Variants in FMN1 observed in about 807,000 individuals in gnomAD.
The protein encoded by FMN1 is formin-1.
Under a neutral mutation model 132.4 loss-of-function variants are expected in FMN1, and 110 were observed. The observed-to-expected ratio is 0.83, with a 90% CI of 0.71 to 0.97. FMN1 has a LOEUF of 0.97. Ranked by LOEUF, FMN1 falls within the 50% of genes least tolerant of loss-of-function variation. The probability of loss-of-function intolerance (pLI) is 0.00; values close to 1 mark genes in which losing one functional copy is unlikely to be tolerated. For synonymous variants in FMN1, 722 were observed against 651.7 expected (o/e 1.11, Z -1.64); for missense variants, 1,792 against 1,705.3 (o/e 1.05, Z -0.90).
chr15:32,867,509 G>GTTT (rs35209952), intron 16 of FMN1, among the ~76,000 whole-genome samples: 2 of 147,424 alleles, frequency 1.4e-5, no homozygotes, highest in African/African-American at 5.0e-5. Context: ...GTCTCATCAG[G>GTTT]TTTTTTTTTT....
At chr15:32,805,193 C>T (rs897173292) in intron 17 of FMN1, among the ~76,000 whole-genome samples, 32 of 152,156 alleles carry the variant, frequency 2.1e-4, no homozygotes, top group African/African-American at 7.5e-4. Context: ...TTTTAGTGAT[C>T]GCCATTCTAA....
chr15:32,792,392 C>T (rs1040726720), intron 19 of FMN1, among the ~76,000 whole-genome samples: 1 of 151,766 alleles, frequency 6.6e-6, no homozygotes, highest in Non-Finnish European at 1.5e-5. Flanking sequence ...TTGTAGTGAG[C>T]CGAAATCGCG....
chr15:33,072,319 TG>T (rs1160539756), intron 5 of FMN1, among the ~76,000 whole-genome samples: 6 of 152,184 alleles, frequency 3.9e-5, no homozygotes, highest in African/African-American at 1.4e-4. Flanking sequence ...CAACTTTTCC[TG>T]TAAGTGGATT....
intron 9 of FMN1, among the ~76,000 whole-genome samples, chr15:32,963,202 A>C (rs1233290922): frequency 6.6e-6 from 1 of 151,668 alleles, no homozygotes; most frequent in African/African-American, 2.4e-5. Context: ...AGGGACATGG[A>C]TGAAATTGGA....
intron 9 of FMN1, among the ~76,000 whole-genome samples, chr15:32,928,826 A>G (rs1470804280): frequency 3.3e-5 from 5 of 152,196 alleles, no homozygotes; most frequent in Admixed American, 6.5e-5. Context: ...TCTGAAAACT[A>G]CCAGTAATAC....
chr15:32,856,993 TG>T, intron 17 of FMN1, 21 bp downstream of exon 17: 1 of 1,544,862 alleles, frequency 6.5e-7, no homozygotes, highest in Non-Finnish European at 9.0e-7. Context: ...CACGTGTATG[TG>T]CGGCTGACAA....
Position 32,910,554 on chromosome 15 carries a change from G to A in FMN1, c.3227-19C>T. On this transcript the variant is annotated intron_variant, in intron 10 of 20. Transcript: ENST00000616417. ...AAAATGGCTGCCAAGCACCCAAAAA[G>A]AAAAGAGGATAAGGGATTTGATTAG... 6.4e-7 allele frequency: 1 copy of A among 1,554,204 alleles called. No homozygotes were observed. The highest frequency in any genetic ancestry group is 8.7e-7 in the Non-Finnish European group (1 of 1,146,648).
At chr15:33,046,886 G>A (rs2036711562) in intron 6 of FMN1, among the ~76,000 whole-genome samples, 1 of 152,124 alleles carries the variant, frequency 6.6e-6, no homozygotes, top group Non-Finnish European at 1.5e-5. Flanking sequence ...GTGTCTTTCT[G>A]CACGGTTCTA....
At chr15:32,821,213 C>A (rs1347659455) in intron 17 of FMN1, among the ~76,000 whole-genome samples, 1 of 151,816 alleles carries the variant, frequency 6.6e-6, no homozygotes, top group African/African-American at 2.4e-5. Context: ...TGAGTCATTT[C>A]TTTTTCCTTT....
intron 15 of FMN1, among the ~76,000 whole-genome samples, chr15:32,897,754 G>C (rs1322350044): frequency 3.9e-5 from 6 of 152,174 alleles, no homozygotes; most frequent in Non-Finnish European, 1.5e-5. Context: ...CCTCGAAATA[G>C]AGAGCTGAGC....
rs35033683 is a variant in FMN1, at chr15:33,180,744, C to CTTTTT, written c.-196-487_-196-483dup. 6.5e-4 allele frequency among the ~76,000 whole-genome samples: 70 copies of CTTTTT among 108,230 alleles called. 1 individual carries two copies. The highest frequency in any genetic ancestry group is 2.2e-3 in the African/African-American group (62 of 27,882). 71.0% of individuals were successfully genotyped at this position (108,230 alleles called of 152,430 possible). On this transcript the variant is annotated intron_variant, in intron 2 of 20. Transcript: ENST00000616417. The stretch of plus-strand genomic sequence containing the variant: ...ATCCCTTCAGAGGCTCTCCTGCTGC[C>CTTTTT]TTTTTTTTTTTTTTTTTTTTTTAAG...
At chr15:32,814,231 G>A (rs1005619679) in intron 17 of FMN1, among the ~76,000 whole-genome samples, 3 of 152,110 alleles carry the variant, frequency 2.0e-5, no homozygotes, top group African/African-American at 7.2e-5. Flanking sequence ...AGTGACAGAT[G>A]TCTTTTGTAA....
intron 2 of FMN1, 54 bp downstream of exon 2, chr15:33,193,855 A>G (rs1595624177): frequency 6.6e-6 from 1 of 152,032 alleles, no homozygotes; most frequent in East Asian, 1.9e-4. Context: ...GGGCAAGAGC[A>G]CTGTTCGTTA....
chr15:33,082,091 C>G (rs962121518), intron 5 of FMN1, among the ~76,000 whole-genome samples: 3 of 76,060 alleles, frequency 3.9e-5, no homozygotes, highest in African/African-American at 2.1e-4. Context: ...GGCTGGAAAA[C>G]AATGTGTGTG....
At chr15:32,984,794 AATGTAACCTTC>A (rs1280777435) in intron 7 of FMN1, among the ~76,000 whole-genome samples, 1 of 152,080 alleles carries the variant, frequency 6.6e-6, no homozygotes, top group Non-Finnish European at 1.5e-5. Flanking sequence ...ATGTCATGAG[AATGTAACCTTC>A]ATTGCATCAT....
At chr15:33,186,445 A>G (rs1446279259) in intron 2 of FMN1, among the ~76,000 whole-genome samples, 1 of 152,144 alleles carries the variant, frequency 6.6e-6, no homozygotes, top group African/African-American at 2.4e-5. Context: ...CTAGTTTATC[A>G]GTGACCCTGC....
intron 7 of FMN1, among the ~76,000 whole-genome samples, chr15:32,996,678 G>A (rs1273143283): frequency 6.6e-6 from 1 of 152,180 alleles, no homozygotes; most frequent in Non-Finnish European, 1.5e-5. Context: ...CACAGAGGAA[G>A]CTACAACAAA....
chr15:33,099,323 G>A (rs345789), intron 4 of FMN1, among the ~76,000 whole-genome samples: 112,185 of 152,070 alleles, frequency 0.74, 42,087 homozygotes, highest in African/African-American at 0.86. Flanking sequence ...ACTCTTTCGA[G>A]TGTACTGTGT....
At chr15:33,067,194 T>C in intron 5 of FMN1, 2 of 1,613,734 alleles carry the variant, frequency 1.2e-6, no homozygotes, top group East Asian at 2.2e-5. Flanking sequence ...TGGTCCTGGC[T>C]GGGGCGACGC....
Sources: gnomAD v4.1 joint callset for allele counts (sites outside exome capture counted in the v4.1 genomes callset) on GRCh38, gnomAD v4.1.1 for gene constraint, MANE v1.5 for transcripts, NCBI Gene and HGNC (gene_info 2026-07-23, HGNC 2026-07-21) for gene names.